The following SLC7A10 variants were observed in gnomAD, a reference collection of about 807,000 sequenced individuals.
SLC7A10 encodes the protein solute carrier family 7 member 10, also known as asc-type amino acid transporter 1.
SLC7A10 carries 30 observed loss-of-function variants against 52.7 expected under a neutral mutation model. The observed-to-expected ratio is 0.57, with a 90% CI of 0.43 to 0.77. The LOEUF is 0.77. Among genes scored for constraint, SLC7A10 ranks in the 30% least tolerant of loss-of-function variants. The pLI, the probability that SLC7A10 is intolerant of heterozygous loss-of-function variation, is 0.00. For missense variants in SLC7A10, 581 were observed against 698.5 expected (o/e 0.83, Z 1.90); for synonymous variants, 318 against 314.9 (o/e 1.01, Z -0.10).
At position 33,211,483 on chromosome 19, in the gene SLC7A10, C is replaced by T. The variant is rs143274786; in HGVS notation, c.843G>A (p.Thr281=). Residue 281 remains threonine (T), a synonymous_variant, in exon 6 of 11, where the codon ACG becomes ACA. Transcript: ENST00000253188. The part of the protein sequence containing the change: ...ISIPLVTFVY[T]FTNIAYFTAM... ...CCGTGAAGTAGGCAATGTTGGTGAA[C>T]GTGTACACGAAGGTCACCAGTGGGA... 559 of 1,614,064 alleles carry T rather than the reference C, an allele frequency of 3.5e-4. 7 individuals carry two copies. The Middle Eastern group carries it at 3.5e-3, about 10-fold the overall frequency.
intron 2 of SLC7A10, among the ~76,000 whole-genome samples, chr19:33,213,788 T>G (rs116373472): frequency 3.3e-3 from 498 of 152,264 alleles, no homozygotes; most frequent in African/African-American, 0.011. Context: ...GAGCCCTAGC[T>G]GGGGGTGGAG....
chr19:33,210,450 C>T lies in SLC7A10; in HGVS notation c.1263+17G>A. The stretch of plus-strand genomic sequence containing the variant: ...CTGGCAGCACCCGGCACAGGGCCAG[C>T]TGTCCCAGGGCCTCACCTTGATGGG... On this transcript the variant is annotated intron_variant, in intron 9 of 10. Transcript: ENST00000253188. This position sits in a 1 kb window ranked among gnomAD's most constrained non-coding sequence, Gnocchi z 5.6. 1.3e-6 allele frequency: 2 copies of T among 1,571,446 alleles called. No individual in the cohort carries two copies. Among genetic ancestry groups the T allele is most frequent in the Non-Finnish European group, 8.6e-7 (1 of 1,165,466 alleles).
chr19:33,213,153 T>G (rs1387544434), intron 2 of SLC7A10, 151 bp from the exon 3 acceptor site: 15 of 985,786 alleles, frequency 1.5e-5, no homozygotes, highest in Non-Finnish European at 2.3e-5. Flanking sequence ...GAGGCAGGGT[T>G]GACCTTGTTG....
rs1276635755 is a variant in SLC7A10, at chr19:33,209,383, T to C, written c.1366A>G (p.Ile456Val). The change falls in exon 10 of 11, where the codon ATC (isoleucine) becomes GTC (valine). Residue 456 changes from isoleucine (I) to valine (V), a missense_variant. Coordinates refer to ENST00000253188, the MANE Select transcript of SLC7A10 (RefSeq NM_019849.3). Reference sequence around the variant, plus strand: ...AAGAAAATGGGCACCCCCGTAAGGATGATGATGACGCCGACCCCACAGACC... The same window carrying C: ...AAGAAAATGGGCACCCCCGTAAGGACGATGATGACGCCGACCCCACAGACC... ...PMVCGVGVII[I>V]LTGVPIFFLG... 2 of 1,613,760 alleles carry C rather than the reference T, an allele frequency of 1.2e-6. No homozygotes were observed. Among genetic ancestry groups the C allele is most frequent in the Admixed American group, 1.7e-5 (1 of 59,976 alleles).
At chr19:33,222,055 C>A (rs2145493171) in intron 1 of SLC7A10, among the ~76,000 whole-genome samples, 1 of 152,278 alleles carries the variant, frequency 6.6e-6, no homozygotes, top group South Asian at 2.1e-4. Context: ...CAACCCTCCC[C>A]CGTCAGGGCT....
At chr19:33,223,309 GAAAAAAA>G (rs59600246) in intron 1 of SLC7A10, among the ~76,000 whole-genome samples, 1 of 117,340 alleles carries the variant, frequency 8.5e-6, no homozygotes, top group Non-Finnish European at 1.8e-5. Context: ...CTCTGTCTCA[GAAAAAAA>G]AAAAAAAAAA....
At position 33,209,232 on chromosome 19, in the gene SLC7A10, G is replaced by T. The variant is rs555831024; in HGVS notation, c.1441+76C>A. On this transcript the variant is annotated intron_variant, in intron 10 of 10. Coordinates refer to ENST00000253188, the MANE Select transcript of SLC7A10 (RefSeq NM_019849.3). The stretch of plus-strand genomic sequence containing the variant: ...AGCTGCTAGGACACCCTGCTCTGGG[G>T]TGAGCCTCTAAGAGGGAGGTCTGGT... 1.8e-5 allele frequency: 29 copies of T among 1,591,832 alleles called. No individual in the cohort carries two copies. The African/African-American group carries it at 3.6e-4, about 20-fold the overall frequency.
chr19:33,223,211 C>T (rs1429983561), intron 1 of SLC7A10, among the ~76,000 whole-genome samples: 2 of 149,586 alleles, frequency 1.3e-5, no homozygotes, highest in Non-Finnish European at 3.0e-5. Context: ...GGGAGGCTGA[C>T]GCAGGAGAAT....
At chr19:33,219,418 A>T (rs1974766930) in intron 1 of SLC7A10, among the ~76,000 whole-genome samples, 1 of 152,168 alleles carries the variant, frequency 6.6e-6, no homozygotes, top group African/African-American at 2.4e-5. Context: ...ACGGAGGTCG[A>T]GTCGCAGAGT....
rs749471223 is a variant in SLC7A10, at chr19:33,212,321, A to G, written c.759T>C (p.Tyr253=). 6.2e-7 allele frequency: 1 copy of G among 1,612,634 alleles called. No individual in the cohort carries two copies. The highest frequency in any genetic ancestry group is 1.1e-5 in the South Asian group (1 of 90,902). ...GGGCGTCAACCATCTCCTCGGTGACATAGTTGAGGAAGTTCCAGCCACTGA... is the reference window on the plus strand; with the variant it reads ...GGGCGTCAACCATCTCCTCGGTGACGTAGTTGAGGAAGTTCCAGCCACTGA... ...FAFSGWNFLN[Y]VTEEMVDARK... The change falls in exon 5 of 11, where the codon TAT becomes TAC. Residue 253 remains tyrosine (Y), a synonymous_variant. Coordinates refer to ENST00000253188, the MANE Select transcript of SLC7A10 (RefSeq NM_019849.3).
At chr19:33,216,374 G>A (rs764557112) in intron 1 of SLC7A10, among the ~76,000 whole-genome samples, 5 of 152,268 alleles carry the variant, frequency 3.3e-5, no homozygotes, top group Middle Eastern at 3.4e-3. Context: ...CAGCCCTCCC[G>A]TCTACCTCAG....
chr19:33,225,094 TGCGTG>T (rs1242986179), intron 1 of SLC7A10, among the ~76,000 whole-genome samples: 5 of 152,248 alleles, frequency 3.3e-5, no homozygotes, highest in Non-Finnish European at 1.5e-5. Flanking sequence ...GTCACTGCAC[TGCGTG>T]GCACCTGGAC....
chr19:33,211,574 C>T, intron 5 of SLC7A10, 37 bp from the exon 6 acceptor site: 1 of 1,613,164 alleles, frequency 6.2e-7, no homozygotes, highest in Non-Finnish European at 8.5e-7. Flanking sequence ...GCGTCAGCTC[C>T]TGAGGGTGCA....
intron 7 of SLC7A10, 95 bp downstream of exon 7, chr19:33,211,130 C>T (rs565299920): frequency 8.0e-5 from 99 of 1,229,900 alleles, no homozygotes; most frequent in South Asian, 3.0e-4. Flanking sequence ...ACCCCTCCCC[C>T]GGCAGGTGTC....
chr19:33,210,316 A>C lies in SLC7A10; in HGVS notation c.1263+151T>G. 1 of 947,730 alleles carries C rather than the reference A, an allele frequency of 1.1e-6. No individual in the cohort carries two copies. The highest frequency in any genetic ancestry group is 1.6e-6 in the Non-Finnish European group (1 of 636,712). The allele number at this position is 947,730 out of a possible 1,614,324, so 58.7% of individuals were successfully genotyped here. On this transcript the variant is annotated intron_variant, in intron 9 of 10. Transcript: ENST00000253188. The surrounding 1 kb of genome is among the most constrained non-coding windows in gnomAD (Gnocchi z 5.6). ...TGTCCTCATGGGGCTGCTATGAGGA[A>C]TGGCTGCCTCAGTGCACAGAGAGCC...
At chr19:33,209,187 G>T in intron 10 of SLC7A10, 121 bp downstream of exon 10, 2 of 1,521,414 alleles carry the variant, frequency 1.3e-6, no homozygotes, top group Non-Finnish European at 9.0e-7. Context: ...GGTGGCGGCT[G>T]GGCCCTGTGT....
At chr19:33,217,191 T>C (rs1974706011) in intron 1 of SLC7A10, among the ~76,000 whole-genome samples, 1 of 151,678 alleles carries the variant, frequency 6.6e-6, no homozygotes, top group African/African-American at 2.4e-5. Flanking sequence ...AAAAAAAAAT[T>C]GTAGAGTTGA....
Position 33,211,374 on chromosome 19 carries a change from G to A in SLC7A10, c.912+40C>T, listed in dbSNP as rs758855224. 5.6e-6 allele frequency: 9 copies of A among 1,613,506 alleles called. No homozygotes were observed. In the South Asian group the frequency reaches 7.7e-5, roughly 14 times the overall value. ...GGCCATGTGTAAGGCCGGGGCAGGGGCCTGGGCAGGAGCCAGGGACCGAGC... is the reference window on the plus strand; with the variant it reads ...GGCCATGTGTAAGGCCGGGGCAGGGACCTGGGCAGGAGCCAGGGACCGAGC... On this transcript the variant is annotated intron_variant, in intron 6 of 10. Transcript: ENST00000253188.
intron 1 of SLC7A10, among the ~76,000 whole-genome samples, 198 bp from the exon 2 acceptor site, chr19:33,216,171 GCCCCTTC>G (rs1278811836): frequency 6.6e-6 from 1 of 152,144 alleles, no homozygotes; most frequent in Non-Finnish European, 1.5e-5. Context: ...CTCATCATCT[GCCCCTTC>G]CTCAGTCCCT....
Sources: allele counts gnomAD v4.1 joint callset (sites outside exome capture counted in the v4.1 genomes callset), GRCh38; gene constraint gnomAD v4.1.1; non-coding constraint Gnocchi (gnomAD v3.1); transcripts MANE v1.5; gene names NCBI Gene and HGNC (gene_info 2026-07-23, HGNC 2026-07-21).